The following CNTN5 variants were observed in gnomAD, a reference collection of about 807,000 sequenced individuals.
The protein encoded by CNTN5 is contactin 5.
A neutral mutation model predicts 129.1 loss-of-function variants in CNTN5; 77 were observed. That is an observed-to-expected ratio of 0.60 (90% CI 0.50 to 0.72). The LOEUF (loss-of-function observed/expected upper bound fraction) is 0.72, where lower values mean the gene tolerates loss of function less well. Ranked by LOEUF, CNTN5 falls within the 30% of genes least tolerant of loss-of-function variation. CNTN5 has a pLI of 0.00. For synonymous variants in CNTN5, 509 were observed against 465.6 expected, an observed-to-expected ratio of 1.09 and a Z score of -1.20; for missense variants, 1,478 against 1,328.8, an observed-to-expected ratio of 1.11 and a Z score of -1.75.
chr11:99,873,270 TAA>T (rs141043332), intron 6 of CNTN5, among the ~76,000 whole-genome samples: 6 of 148,770 alleles, frequency 4.0e-5, no homozygotes, highest in African/African-American at 1.5e-4. Context: ...TTTTGCACAT[TAA>T]AAAAAAAATA....
intron 6 of CNTN5, among the ~76,000 whole-genome samples, chr11:99,899,208 GC>G (rs1949288753): frequency 6.6e-6 from 1 of 151,958 alleles, no homozygotes; most frequent in Non-Finnish European, 1.5e-5. Context: ...CAATTTGGAT[GC>G]CTTTTATTTC....
At chr11:100,079,279 G>C (rs1489238093) in intron 13 of CNTN5, among the ~76,000 whole-genome samples, 1 of 152,108 alleles carries the variant, frequency 6.6e-6, no homozygotes, top group Non-Finnish European at 1.5e-5. Flanking sequence ...TCTGTTATCA[G>C]TAGTCTGGAA....
intron 7 of CNTN5, among the ~76,000 whole-genome samples, chr11:99,955,335 CT>C (rs1490991217): frequency 6.6e-6 from 1 of 151,686 alleles, no homozygotes; most frequent in African/African-American, 2.4e-5. Context: ...TATGGAGTTC[CT>C]TCATTCCTTT....
At chr11:99,988,776 A>C (rs1205823870) in intron 8 of CNTN5, among the ~76,000 whole-genome samples, 1 of 151,072 alleles carries the variant, frequency 6.6e-6, no homozygotes, top group Non-Finnish European at 1.5e-5. Context: ...TAGCTTTTCC[A>C]CTCTTCAATT....
chr11:100,288,062 C>A, intron 18 of CNTN5, among the ~76,000 whole-genome samples: 1 of 152,042 alleles, frequency 6.6e-6, no homozygotes, highest in Non-Finnish European at 1.5e-5. Context: ...AGCTAACTAT[C>A]CTAAATATAT....
At chr11:99,169,709 GTT>G (rs756558410) in intron 1 of CNTN5, among the ~76,000 whole-genome samples, 6 of 151,976 alleles carry the variant, frequency 3.9e-5, no homozygotes, top group Non-Finnish European at 7.4e-5. Context: ...AAGATAAAGG[GTT>G]TACATGCAAA....
At chr11:99,934,325 T>C (rs1336266555) in intron 7 of CNTN5, among the ~76,000 whole-genome samples, 1 of 152,214 alleles carries the variant, frequency 6.6e-6, no homozygotes, top group Non-Finnish European at 1.5e-5. Context: ...TCTTTACAGT[T>C]TCTAGACAGA....
intron 2 of CNTN5, among the ~76,000 whole-genome samples, chr11:99,392,480 A>G (rs1343033929): frequency 6.6e-6 from 1 of 151,896 alleles, no homozygotes; most frequent in African/African-American, 2.4e-5. Flanking sequence ...CAGTATTGAC[A>G]GATAAGGCTA....
intron 3 of CNTN5, among the ~76,000 whole-genome samples, chr11:99,809,788 C>A (rs924996826): frequency 6.6e-6 from 1 of 152,040 alleles, no homozygotes; most frequent in African/African-American, 2.4e-5. Context: ...CTAAGCAATG[C>A]TAGCTTTTTT....
chr11:99,729,499 A>G (rs1943458178), intron 3 of CNTN5, among the ~76,000 whole-genome samples: 1 of 152,028 alleles, frequency 6.6e-6, no homozygotes, highest in South Asian at 2.1e-4. Context: ...CTTCTTTGTA[A>G]CACATTATTT....
At chr11:99,972,004 C>G in intron 8 of CNTN5, among the ~76,000 whole-genome samples, 1 of 145,132 alleles carries the variant, frequency 6.9e-6, no homozygotes, top group Non-Finnish European at 1.5e-5. Flanking sequence ...AATCCCAGCA[C>G]TTTGGGAGGC....
chr11:100,284,436 T>C (rs1474647797), intron 18 of CNTN5, among the ~76,000 whole-genome samples: 1 of 152,224 alleles, frequency 6.6e-6, no homozygotes, highest in Non-Finnish European at 1.5e-5. Flanking sequence ...TTTTGAAATC[T>C]GTTAATATCA....
intron 2 of CNTN5, among the ~76,000 whole-genome samples, chr11:99,509,445 ATTC>A (rs1434883498): frequency 6.6e-6 from 1 of 152,220 alleles, no homozygotes; most frequent in South Asian, 2.1e-4. Context: ...GAAATGGTGA[ATTC>A]TTCTTCATGT....
At chr11:99,492,077 C>T (rs1165681708) in intron 2 of CNTN5, among the ~76,000 whole-genome samples, 3 of 152,114 alleles carry the variant, frequency 2.0e-5, no homozygotes, top group Non-Finnish European at 4.4e-5. Flanking sequence ...GCAGTAGATA[C>T]ATTATCTTTG....
At chr11:99,509,030 G>GA (rs1368402145) in intron 2 of CNTN5, among the ~76,000 whole-genome samples, 2 of 151,762 alleles carry the variant, frequency 1.3e-5, no homozygotes, top group Non-Finnish European at 2.9e-5. Context: ...TATGAAGTGG[G>GA]AAAAAAATAC....
chr11:99,407,540 T>C (rs1942133327), intron 2 of CNTN5, among the ~76,000 whole-genome samples: 2 of 152,148 alleles, frequency 1.3e-5, no homozygotes. Flanking sequence ...GTGAGACAAG[T>C]ACTCCCTTAG....
chr11:99,951,641 A>T (rs186453379), intron 7 of CNTN5, among the ~76,000 whole-genome samples: 1 of 152,178 alleles, frequency 6.6e-6, no homozygotes, highest in Non-Finnish European at 1.5e-5. Context: ...AGAATAAATC[A>T]TGAAGTTATT....
At chr11:99,863,002 G>C (rs1948254994) in intron 6 of CNTN5, among the ~76,000 whole-genome samples, 1 of 152,030 alleles carries the variant, frequency 6.6e-6, no homozygotes. Context: ...TAGCAATCTA[G>C]GTCATCAACT....
chr11:100,068,023 T>C (rs1332900515), intron 10 of CNTN5, among the ~76,000 whole-genome samples: 2 of 152,144 alleles, frequency 1.3e-5, no homozygotes, highest in Non-Finnish European at 2.9e-5. Flanking sequence ...GTTCTTTCTT[T>C]CCTAGCTCTT....
Sources: allele counts gnomAD v4.1 joint callset (sites outside exome capture counted in the v4.1 genomes callset), GRCh38; gene constraint gnomAD v4.1.1; transcripts MANE v1.5; gene names NCBI Gene and HGNC (gene_info 2026-07-23, HGNC 2026-07-21).